PRKDC: variants seen among roughly 807,000 people sequenced by gnomAD.
PRKDC encodes DNA-dependent protein kinase catalytic subunit.
Under a neutral mutation model 486.9 loss-of-function variants are expected in PRKDC, and 82 were observed. The observed-to-expected ratio is 0.17, with a 90% confidence interval of 0.14 to 0.20. The LOEUF is 0.20. Ranked by LOEUF, PRKDC falls within the 10% of genes least tolerant of loss-of-function variation. PRKDC has a pLI of 1.00. For synonymous variants in PRKDC, 1,895 were observed against 1,837.0 expected, an observed-to-expected ratio of 1.03 and a Z score of -0.81; for missense variants, 4,504 against 5,038.2, an observed-to-expected ratio of 0.89 and a Z score of 3.21.
chr8:47,858,716 A>T (rs2088601828), intron 47 of PRKDC, 81 bp from the exon 48 acceptor site: 1 of 1,446,758 alleles, frequency 6.9e-7, no homozygotes, highest in Non-Finnish European at 9.2e-7. Context: ...AACAAGGACA[A>T]AGTAAGACAT....
At chr8:47,957,455 A>ACT in intron 1 of PRKDC, 24 bp from the exon 2 acceptor site, 1 of 1,535,506 alleles carries the variant, frequency 6.5e-7, no homozygotes, top group Non-Finnish European at 8.8e-7. Context: ...TAAGTAAACA[A>ACT]GTTAAGAGAG....
At position 47,807,276 on chromosome 8, in the gene PRKDC, T is replaced by C. The variant is rs776486933; in HGVS notation, c.9608A>G (p.Asp3203Gly). The C allele has an allele frequency of 3.7e-6, 6 of 1,610,196 alleles. No individual in the cohort carries two copies. The Admixed American group carries it at 5.0e-5, about 14-fold the overall frequency. Residue 3203 changes from aspartate to glycine, a missense_variant, in exon 69 of 86, where the codon GAT becomes GGT. By Grantham distance (94) the Asp-to-Gly change is moderately conservative (BLOSUM62 -1). Coordinates refer to ENST00000314191, the MANE Select transcript of PRKDC (RefSeq NM_006904.7). ...IEEKLTPLPEDNSMNVDQDGD... is the reference protein window; with the variant it reads ...IEEKLTPLPEGNSMNVDQDGD... ...ATCTTGATCCACATTCATACTATTA[T>C]CTTCTGGAAGAGGGGTAAGCTTCTC...
chr8:47,924,733 T>G (rs966287068), intron 21 of PRKDC, among the ~76,000 whole-genome samples: 2 of 152,074 alleles, frequency 1.3e-5, no homozygotes, highest in African/African-American at 4.8e-5. Flanking sequence ...ATTTTCACAT[T>G]TATTTAGATG....
intron 27 of PRKDC, 97 bp downstream of exon 27, chr8:47,902,472 T>C (rs2089704560): frequency 2.4e-6 from 2 of 837,172 alleles, no homozygotes; most frequent in Non-Finnish European, 3.4e-6. Flanking sequence ...AATTACTTAC[T>C]AAATGCAGGA....
At chr8:47,867,140 A>C (rs945585402) in intron 40 of PRKDC, among the ~76,000 whole-genome samples, 1 of 152,200 alleles carries the variant, frequency 6.6e-6, no homozygotes, top group Non-Finnish European at 1.5e-5. Context: ...GAAGAATTAA[A>C]CACTAATTTT....
intron 10 of PRKDC, among the ~76,000 whole-genome samples, chr8:47,941,787 G>A (rs1485945411): frequency 4.6e-5 from 7 of 152,232 alleles, no homozygotes; most frequent in Non-Finnish European, 1.0e-4. Flanking sequence ...CTTCTCCCCT[G>A]ACTAAGCTCA....
Position 47,888,516 on chromosome 8 carries a change from A to G in PRKDC, c.4413+2T>C. 6.5e-7 allele frequency: 1 copy of G among 1,529,384 alleles called. No individual in the cohort carries two copies. The highest frequency in any genetic ancestry group is 8.8e-7 in the Non-Finnish European group (1 of 1,134,792). The allele number at this position is 1,529,384 out of a possible 1,614,324, so 94.7% of individuals were successfully genotyped here. On this transcript the variant is annotated splice_donor_variant, in intron 34 of 85. Transcript: ENST00000314191. LOFTEE classifies it high-confidence loss of function. ...AATGTAAAAACAATAAGTTATAGTTACCTGAGACGGTAATATATTATGCAG... is the reference window on the plus strand; with the variant it reads ...AATGTAAAAACAATAAGTTATAGTTGCCTGAGACGGTAATATATTATGCAG...
chr8:47,846,538 G>A (rs1469954253), intron 54 of PRKDC, among the ~76,000 whole-genome samples: 1 of 151,896 alleles, frequency 6.6e-6, no homozygotes, highest in Non-Finnish European at 1.5e-5. Flanking sequence ...CAAACCCACA[G>A]CCTACATGAT....
At chr8:47,887,996 C>G (rs184866430) in intron 34 of PRKDC, among the ~76,000 whole-genome samples, 2 of 152,150 alleles carry the variant, frequency 1.3e-5, no homozygotes, top group African/African-American at 4.8e-5. Flanking sequence ...GCTGGGACTA[C>G]GGGTCCGCGG....
In PRKDC at chr8:47,852,662, A is replaced by G. The variant is rs759829049; in HGVS notation, c.7005+11T>C. 6.0e-6 allele frequency: 9 copies of G among 1,506,260 alleles called. No homozygotes were observed. The African/African-American group carries it at 1.2e-4, about 21-fold the overall frequency. 93.3% of individuals were successfully genotyped at this position (1,506,260 alleles called of 1,614,324 possible). On this transcript the variant is annotated intron_variant, in intron 52 of 85. Transcript: ENST00000314191. ...AAGAGGTATTTATTGAAAATTGTGT[A>G]GCACACTCACGTTTTTTCTCTCCAT...
chr8:47,786,273 G>A (rs1171261725), intron 76 of PRKDC, among the ~76,000 whole-genome samples: 3 of 151,580 alleles, frequency 2.0e-5, no homozygotes, highest in Non-Finnish European at 2.9e-5. Context: ...TTAGCCAAGC[G>A]CGGTGGCACT....
chr8:47,816,478 C>A (rs897259197), intron 68 of PRKDC, among the ~76,000 whole-genome samples: 1 of 152,124 alleles, frequency 6.6e-6, no homozygotes, highest in Non-Finnish European at 1.5e-5. Context: ...CCACAAAGGA[C>A]ATTACTGGGA....
intron 45 of PRKDC, among the ~76,000 whole-genome samples, chr8:47,860,218 A>G (rs1236651418): frequency 6.6e-6 from 1 of 152,216 alleles, no homozygotes; most frequent in Non-Finnish European, 1.5e-5. Context: ...AAACAAAAAC[A>G]AGGAGCATAT....
chr8:47,950,207 G>A (rs1228970922), intron 7 of PRKDC, among the ~76,000 whole-genome samples: 1 of 151,846 alleles, frequency 6.6e-6, no homozygotes, highest in Non-Finnish European at 1.5e-5. Flanking sequence ...AGGAGGCAGA[G>A]GTTGCAGTGA....
rs1752648471 is a variant in PRKDC, at chr8:47,782,784, A to C, written c.11176-186T>G. On this transcript the variant is annotated intron_variant, in intron 78 of 85. Transcript: ENST00000314191. The surrounding 1 kb of genome is among the most constrained non-coding windows in gnomAD (Gnocchi z 4.9). ...TTGTGCCTGACTGCTGTGCCCGCAG[A>C]AATGTTGTATTCCTGATTATAAATA... 4.9e-6 allele frequency: 3 copies of C among 613,768 alleles called. No homozygotes were observed. Among genetic ancestry groups the C allele is most frequent in the Non-Finnish European group, 8.6e-6 (3 of 350,384 alleles). 38.0% of individuals were successfully genotyped at this position (613,768 alleles called of 1,614,324 possible).
intron 52 of PRKDC, 86 bp downstream of exon 52, chr8:47,852,587 C>T (rs1290179559): frequency 2.5e-6 from 2 of 790,134 alleles, no homozygotes; most frequent in Non-Finnish European, 3.8e-6. Flanking sequence ...TAATACCATA[C>T]AAGAAATAAA....
intron 62 of PRKDC, among the ~76,000 whole-genome samples, chr8:47,827,564 C>G (rs2087765055): frequency 6.6e-6 from 1 of 152,228 alleles, no homozygotes; most frequent in Non-Finnish European, 1.5e-5. Context: ...ACCACTGCAT[C>G]TAGGCAAACA....
chr8:47,852,694 T>A lies in PRKDC; in HGVS notation c.6984A>T (p.Arg2328=), dbSNP rs1362032506. The A allele has an allele frequency of 6.4e-7, 1 of 1,573,116 alleles. No individual in the cohort carries two copies. Among genetic ancestry groups the A allele is most frequent in the Non-Finnish European group, 8.6e-7 (1 of 1,157,120 alleles). ...AAAEVLGLIL[R]YVMERKNILE... ...TCACGTTTTTTCTCTCCATAACATA[T>A]CGAAGTATAAGTCCTAGAACTTCTG... is the stretch of plus-strand genomic sequence containing the variant. The change falls in exon 52 of 86, where the codon CGA becomes CGT. Residue 2328 remains arginine, a synonymous_variant. Transcript: ENST00000314191.
chr8:47,835,651 G>GAAAAAAAAA (rs2088003211), intron 58 of PRKDC, among the ~76,000 whole-genome samples: 1 of 119,840 alleles, frequency 8.3e-6, no homozygotes, highest in African/African-American at 3.2e-5. Flanking sequence ...AAAAAAAAAG[G>GAAAAAAAAA]AAAATATACA....
Sources: gnomAD v4.1 joint callset for allele counts (sites outside exome capture counted in the v4.1 genomes callset) on GRCh38, gnomAD v4.1.1 for gene constraint, Gnocchi (gnomAD v3.1) non-coding constraint, MANE v1.5 for transcripts, NCBI Gene and HGNC (gene_info 2026-07-23, HGNC 2026-07-21) for gene names.